MOB3B: variants seen among roughly 807,000 people sequenced by gnomAD.
MOB3B encodes the protein MOB kinase activator-like 2B.
Under a neutral mutation model 18.7 loss-of-function variants are expected in MOB3B, and 7 were observed. The ratio of observed to expected loss-of-function variants is 0.37; its 90% CI spans 0.21 to 0.70. The LOEUF is 0.70. MOB3B is among the 30% of genes least tolerant of loss of function. The pLI, the probability that MOB3B is intolerant of heterozygous loss-of-function variation, is 0.52. For missense variants in MOB3B, 253 were observed against 281.3 expected, an observed-to-expected ratio of 0.90 and a Z score of 0.72; for synonymous variants, 111 against 99.9, an observed-to-expected ratio of 1.11 and a Z score of -0.66.
chr9:27,355,939 G>C (rs931125839), intron 3 of MOB3B, among the ~76,000 whole-genome samples: 1 of 152,172 alleles, frequency 6.6e-6, no homozygotes, highest in African/African-American at 2.4e-5. Context: ...TTGAATAGGT[G>C]CATTGCAACA....
chr9:27,387,948 CA>C (rs139869084), intron 2 of MOB3B, among the ~76,000 whole-genome samples: 2,633 of 152,182 alleles, frequency 0.017, 60 homozygotes, highest in East Asian at 0.12. Flanking sequence ...TTTTGCCCCC[CA>C]CAGGCAACAT....
chr9:27,359,428 C>T (rs75441589), intron 2 of MOB3B, among the ~76,000 whole-genome samples, 192 bp from the exon 3 acceptor site: 4,181 of 150,872 alleles, frequency 0.028, 92 homozygotes, highest in Non-Finnish European at 0.036. Flanking sequence ...ACCTCCCCAT[C>T]AAAGGGAGCA....
chr9:27,337,037 C>T (rs1194815425), intron 3 of MOB3B, among the ~76,000 whole-genome samples: 1 of 152,204 alleles, frequency 6.6e-6, no homozygotes, highest in South Asian at 2.1e-4. Context: ...GCCCCGTGCC[C>T]GAGCTTGGCC....
At chr9:27,524,290 A>T (rs1820391512) in intron 1 of MOB3B, 1 of 1,561,852 alleles carries the variant, frequency 6.4e-7, no homozygotes, top group Non-Finnish European at 8.7e-7. Flanking sequence ...AACTCAAAAC[A>T]TCATTGTCAT....
At chr9:27,357,144 A>ATATATATATATG (rs1486801059) in intron 3 of MOB3B, among the ~76,000 whole-genome samples, 27 of 80,970 alleles carry the variant, frequency 3.3e-4, no homozygotes, top group African/African-American at 1.1e-3. Context: ...ATATATATAT[A>ATATATATATATG]TGTGTTTTTT....
At position 27,326,594 on chromosome 9, in the gene MOB3B, C is replaced by T. The variant is rs948027323; in HGVS notation, c.*3993G>A. ...TGTGAGAGGAGTATAGATTTTTTCACCAAGGAAGTTACTGGCATGGTTTGA... is the reference window on the plus strand; with the variant it reads ...TGTGAGAGGAGTATAGATTTTTTCATCAAGGAAGTTACTGGCATGGTTTGA... On this transcript the variant is annotated 3_prime_UTR_variant, in exon 4 of 4. Coordinates refer to ENST00000262244, the MANE Select transcript of MOB3B (RefSeq NM_024761.5). The T allele has an allele frequency of 5.0e-6, 2 of 398,310 alleles. No homozygotes were observed. The highest frequency in any genetic ancestry group is 8.8e-6 in the Non-Finnish European group (2 of 225,990). The allele number at this position is 398,310 out of a possible 1,614,324, so 24.7% of individuals were successfully genotyped here.
chr9:27,481,511 GTTTTTTTTGTT>G (rs1819652593), intron 1 of MOB3B, among the ~76,000 whole-genome samples: 1 of 69,648 alleles, frequency 1.4e-5, no homozygotes, highest in Non-Finnish European at 3.8e-5. Context: ...TTTTTTTTTT[GTTTTTTTTGTT>G]TTTTTTTTTT....
chr9:27,348,657 T>TAA (rs556877171), intron 3 of MOB3B, among the ~76,000 whole-genome samples: 1 of 129,576 alleles, frequency 7.7e-6, no homozygotes, highest in Non-Finnish European at 1.7e-5. Flanking sequence ...CATCTCAAAA[T>TAA]AAAAAAAAAA....
chr9:27,341,911 A>G (rs1290578006), intron 3 of MOB3B, among the ~76,000 whole-genome samples: 1 of 152,240 alleles, frequency 6.6e-6, no homozygotes, highest in Non-Finnish European at 1.5e-5. Context: ...TTCATGGGTC[A>G]AATCCAGTCC....
chr9:27,357,150 T>G lies in MOB3B; in HGVS notation c.621+1884A>C, dbSNP rs1196160123. Among the ~76,000 whole-genome samples, 27 of 60,136 alleles carry G rather than the reference T, an allele frequency of 4.5e-4. 1 individual carries two copies. The highest frequency in any genetic ancestry group is 1.1e-3 in the African/African-American group (22 of 20,574). The allele number at this position is 60,136 out of a possible 152,430, so 39.5% of individuals were successfully genotyped here. A position where few individuals can be genotyped will look rare whatever the true frequency, so the allele number is the denominator to read the frequency against. On this transcript the variant is annotated intron_variant, in intron 3 of 3. Transcript: ENST00000262244. ...TATATATATATATATATATATGTGT[T>G]TTTTTTTTTGCCATATATTCTCACA...
intron 2 of MOB3B, among the ~76,000 whole-genome samples, chr9:27,391,268 G>A (rs4258086): frequency 0.36 from 54,246 of 152,026 alleles, 11,057 homozygotes; most frequent in East Asian, 0.78. Flanking sequence ...CACCTCAGCA[G>A]ATTCTTCAGT....
chr9:27,349,004 C>G (rs907848776), intron 3 of MOB3B, among the ~76,000 whole-genome samples: 1 of 152,118 alleles, frequency 6.6e-6, no homozygotes, highest in African/African-American at 2.4e-5. Flanking sequence ...ATGGCCCATT[C>G]AAAGAACTCT....
intron 1 of MOB3B, among the ~76,000 whole-genome samples, chr9:27,456,698 G>C (rs1043213235): frequency 3.3e-5 from 5 of 152,158 alleles, no homozygotes; most frequent in African/African-American, 1.2e-4. Context: ...ACTTTAGACA[G>C]CACTTTGAGG....
chr9:27,440,543 T>C (rs1338116053), intron 2 of MOB3B, among the ~76,000 whole-genome samples: 1 of 152,212 alleles, frequency 6.6e-6, no homozygotes, highest in Admixed American at 6.5e-5. Context: ...ATTTGTTGCA[T>C]AAAATTTGCA....
At chr9:27,523,390 C>T (rs949329271) in intron 1 of MOB3B, among the ~76,000 whole-genome samples, 1 of 151,200 alleles carries the variant, frequency 6.6e-6, no homozygotes, top group Non-Finnish European at 1.5e-5. Context: ...TTTACAGAAT[C>T]CAGAACCACC....
intron 1 of MOB3B, among the ~76,000 whole-genome samples, chr9:27,470,170 T>C (rs1348757386): frequency 1.3e-5 from 2 of 151,442 alleles, no homozygotes; most frequent in Non-Finnish European, 2.9e-5. Flanking sequence ...TTTAGATCTA[T>C]GGAGAGATGT....
intron 1 of MOB3B, among the ~76,000 whole-genome samples, chr9:27,462,266 G>A (rs1169361528): frequency 6.6e-6 from 1 of 151,790 alleles, no homozygotes; most frequent in Non-Finnish European, 1.5e-5. Context: ...TGAGAGATTT[G>A]GTATATTATT....
intron 2 of MOB3B, among the ~76,000 whole-genome samples, chr9:27,447,787 G>C (rs1461954649): frequency 3.3e-5 from 5 of 152,148 alleles, no homozygotes; most frequent in Non-Finnish European, 7.4e-5. Flanking sequence ...GTTGTGGTGG[G>C]GAACTGTGAC....
intron 2 of MOB3B, among the ~76,000 whole-genome samples, chr9:27,399,052 T>C (rs1821839936): frequency 1.3e-5 from 2 of 152,068 alleles, no homozygotes; most frequent in African/African-American, 4.8e-5. Context: ...AGTCCCCAAG[T>C]GGAGGTCAAA....
Sources: gnomAD v4.1 joint callset for allele counts (sites outside exome capture counted in the v4.1 genomes callset) on GRCh38, gnomAD v4.1.1 for gene constraint, MANE v1.5 for transcripts, NCBI Gene and HGNC (gene_info 2026-07-23, HGNC 2026-07-21) for gene names.